The following GADL1 variants were observed in gnomAD, a reference collection of about 807,000 sequenced individuals.
GADL1 encodes acidic amino acid decarboxylase GADL1.
In GADL1, 71 loss-of-function variants were observed where a neutral mutation model predicts 69.5. The observed-to-expected ratio is 1.02, with a 90% CI of 0.84 to 1.25. GADL1 has a LOEUF of 1.25. Ranked by LOEUF, GADL1 falls within the 50% of genes most tolerant of loss-of-function variation. The pLI, the probability that GADL1 is intolerant of heterozygous loss-of-function variation, is 0.00. For synonymous variants in GADL1, 254 were observed against 214.4 expected (o/e 1.18, Z -1.62); for missense variants, 737 against 631.8 (o/e 1.17, Z -1.79).
rs192332623 is a variant in GADL1 at position 30,868,969 on chromosome 3, C to T, written c.38-7204G>A. Among the ~76,000 whole-genome samples, 99 of 151,732 alleles carry T rather than the reference C, an allele frequency of 6.5e-4. 1 individual carries two copies. The highest frequency in any genetic ancestry group is 6.8e-3 in the Middle Eastern group (2 of 294). On this transcript the variant is annotated intron_variant, in intron 1 of 14. Coordinates refer to ENST00000282538, the MANE Select transcript of GADL1 (RefSeq NM_207359.3). ...AGAAGGGTCAGGACTTAGAGAATCCCGTAGGCCGGTCCAAGAGAGTCTGAG... is the reference window on the plus strand; with the variant it reads ...AGAAGGGTCAGGACTTAGAGAATCCTGTAGGCCGGTCCAAGAGAGTCTGAG...
At chr3:30,757,281 T>A (rs1695997329) in intron 14 of GADL1, among the ~76,000 whole-genome samples, 1 of 152,120 alleles carries the variant, frequency 6.6e-6, no homozygotes, top group African/African-American at 2.4e-5. Flanking sequence ...ATATAGCCTC[T>A]GAAATCAACC....
chr3:30,792,594 C>A (rs909553625), intron 12 of GADL1, among the ~76,000 whole-genome samples: 1 of 152,008 alleles, frequency 6.6e-6, no homozygotes, highest in Non-Finnish European at 1.5e-5. Flanking sequence ...ACTATACTTG[C>A]CTTAATTCAT....
At chr3:30,842,903 A>C (rs1372972509) in intron 8 of GADL1, among the ~76,000 whole-genome samples, 1 of 151,930 alleles carries the variant, frequency 6.6e-6, no homozygotes, top group African/African-American at 2.4e-5. Context: ...TAAATACAGA[A>C]GTTCAAGCCA....
At chr3:30,776,488 C>T (rs372322020) in intron 14 of GADL1, among the ~76,000 whole-genome samples, 1 of 152,198 alleles carries the variant, frequency 6.6e-6, no homozygotes. Context: ...AAGACAAATC[C>T]CCAAAGTCTA....
chr3:30,882,300 C>A (rs1182910599), intron 1 of GADL1, among the ~76,000 whole-genome samples: 2 of 151,798 alleles, frequency 1.3e-5, no homozygotes, highest in African/African-American at 4.8e-5. Flanking sequence ...ATATTTTCAT[C>A]TTCTAAAACT....
At chr3:30,808,520 TC>T (rs1697297310) in intron 11 of GADL1, among the ~76,000 whole-genome samples, 1 of 149,658 alleles carries the variant, frequency 6.7e-6, no homozygotes, top group Admixed American at 6.6e-5. Flanking sequence ...AATGAGGATA[TC>T]ATTCAAATGT....
rs181761642 is a variant in GADL1, at chr3:30,756,569, G to A, written c.1392+21610C>T. ...AATTTGCTTTGGTTCATAGAAAACA[G>A]CAGAAGTAATCGTGTGCTAAATTCT... On this transcript the variant is annotated intron_variant, in intron 14 of 14. Coordinates refer to ENST00000282538, the MANE Select transcript of GADL1 (RefSeq NM_207359.3). Among the ~76,000 whole-genome samples, 3 of 151,976 alleles carry A rather than the reference G, an allele frequency of 2.0e-5. No individual in the cohort carries two copies. The East Asian group carries it at 5.8e-4, about 29-fold the overall frequency.
chr3:30,825,412 A>AT (rs1344067902), intron 11 of GADL1, among the ~76,000 whole-genome samples: 1 of 151,962 alleles, frequency 6.6e-6, no homozygotes, highest in African/African-American at 2.4e-5. Flanking sequence ...ATGGACTTGG[A>AT]TTAACACTTT....
Position 30,802,249 on chromosome 3 carries a change from C to T in GADL1, c.1051-1161G>A, listed in dbSNP as rs184658311. Among the ~76,000 whole-genome samples the T allele has an allele frequency of 3.3e-5, 5 of 152,246 alleles. No individual in the cohort carries two copies. The East Asian group carries it at 9.7e-4, about 29-fold the overall frequency. Reference sequence around the variant, plus strand: ...GAGCAGTCACTACCTATATTCTCTCCTTGTGTGGTCAAGCAGGTTCTTGGG... The same window carrying T: ...GAGCAGTCACTACCTATATTCTCTCTTTGTGTGGTCAAGCAGGTTCTTGGG... On this transcript the variant is annotated intron_variant, in intron 11 of 14. Transcript: ENST00000282538.
chr3:30,776,995 C>A (rs1372839276), intron 14 of GADL1, among the ~76,000 whole-genome samples: 1 of 152,180 alleles, frequency 6.6e-6, no homozygotes. Flanking sequence ...GGGGTAGATA[C>A]CCTTTCTCTC....
At chr3:30,876,116 C>T (rs1479050905) in intron 1 of GADL1, among the ~76,000 whole-genome samples, 2 of 151,948 alleles carry the variant, frequency 1.3e-5, no homozygotes, top group Non-Finnish European at 2.9e-5. Context: ...CTATAATGTT[C>T]TATACATATA....
intron 1 of GADL1, among the ~76,000 whole-genome samples, chr3:30,876,130 T>C (rs988374137): frequency 1.0e-3 from 159 of 152,186 alleles, no homozygotes; most frequent in Middle Eastern, 3.4e-3. Context: ...ACATATAATA[T>C]GTTACTGTAT....
chr3:30,783,404 ATG>A, intron 13 of GADL1, among the ~76,000 whole-genome samples: 1 of 152,120 alleles, frequency 6.6e-6, no homozygotes, highest in African/African-American at 2.4e-5. Flanking sequence ...TTTCTTGAAG[ATG>A]ATTGAAAGTT....
intron 11 of GADL1, among the ~76,000 whole-genome samples, chr3:30,813,031 CCATGAGAAGGCA>C (rs562716458): frequency 3.6e-4 from 55 of 152,126 alleles, no homozygotes; most frequent in African/African-American, 1.3e-3. Flanking sequence ...CACACACACT[CCATGAGAAGGCA>C]CATGAGAAGG....
intron 14 of GADL1, among the ~76,000 whole-genome samples, chr3:30,740,556 G>A (rs1031440429): frequency 2.6e-5 from 4 of 152,144 alleles, no homozygotes; most frequent in East Asian, 1.9e-4. Flanking sequence ...GAACCTCTAC[G>A]TACGTCCTAA....
rs533890385 is a variant in GADL1, at chr3:30,840,630, G to A, written c.787-1517C>T. Among the ~76,000 whole-genome samples the A allele has an allele frequency of 4.6e-5, 7 of 152,218 alleles. No individual in the cohort carries two copies. In the East Asian group the frequency reaches 9.7e-4, roughly 21 times the overall value. On this transcript the variant is annotated intron_variant, in intron 8 of 14. Transcript: ENST00000282538. The stretch of plus-strand genomic sequence containing the variant: ...CATTTAAGTTGTCTTTAATGGTTGC[G>A]CTTTTCCTCATAAACTATATGACAT...
At chr3:30,818,824 G>A (rs1697520669) in intron 11 of GADL1, among the ~76,000 whole-genome samples, 1 of 152,048 alleles carries the variant, frequency 6.6e-6, no homozygotes, top group Non-Finnish European at 1.5e-5. Flanking sequence ...TCCACCCTTA[G>A]CTCATCCCAA....
chr3:30,732,056 C>A (rs748860021), intron 14 of GADL1, among the ~76,000 whole-genome samples: 1 of 152,196 alleles, frequency 6.6e-6, no homozygotes, highest in Non-Finnish European at 1.5e-5. Context: ...AGCACGTTCT[C>A]ACTAACAGTC....
chr3:30,861,090 G>A (rs1288143916), intron 2 of GADL1, among the ~76,000 whole-genome samples: 10 of 151,928 alleles, frequency 6.6e-5, no homozygotes, highest in Non-Finnish European at 2.9e-5. Context: ...CCAGAAAGGA[G>A]TCAGACTTAA....
Sources: allele counts gnomAD v4.1 joint callset (sites outside exome capture counted in the v4.1 genomes callset), GRCh38; gene constraint gnomAD v4.1.1; transcripts MANE v1.5; gene names NCBI Gene and HGNC (gene_info 2026-07-23, HGNC 2026-07-21).